The following SLC16A7 variants were observed in gnomAD, a reference collection of about 807,000 sequenced individuals.
SLC16A7 encodes monocarboxylate transporter 2.
A neutral mutation model predicts 34.9 loss-of-function variants in SLC16A7; 33 were observed. The observed-to-expected ratio is 0.94, with a 90% confidence interval of 0.72 to 1.26. The LOEUF (loss-of-function observed/expected upper bound fraction) is 1.26, where lower values mean the gene tolerates loss of function less well. Ranked by LOEUF, SLC16A7 falls within the 50% of genes most tolerant of loss-of-function variation. The pLI is 0.00. For synonymous variants in SLC16A7, 201 were observed against 206.6 expected, an observed-to-expected ratio of 0.97 and a Z score of 0.23; for missense variants, 573 against 578.1, an observed-to-expected ratio of 0.99 and a Z score of 0.09.
chr12:59,600,399 A>T (rs1420578888), intron 1 of SLC16A7, among the ~76,000 whole-genome samples: 1 of 152,100 alleles, frequency 6.6e-6, no homozygotes, highest in Non-Finnish European at 1.5e-5. Flanking sequence ...AACTGTTTGG[A>T]TCAAAGTGAT....
At chr12:59,691,975 G>A (rs534727846) in intron 2 of SLC16A7, among the ~76,000 whole-genome samples, 12 of 152,080 alleles carry the variant, frequency 7.9e-5, no homozygotes, top group South Asian at 2.1e-4. Flanking sequence ...TGGGGCAGTC[G>A]TAGCAAACTA....
chr12:59,659,316 T>C lies in SLC16A7; in HGVS notation c.-31+4066T>C, dbSNP rs114104596. Among the ~76,000 whole-genome samples the C allele has an allele frequency of 3.7e-3, 565 of 152,200 alleles. 7 individuals are homozygous for C. The highest frequency in any genetic ancestry group is 0.017 in the Middle Eastern group (5 of 294). ...AGTACATATTTCTTACATGCATATATTGTGCAGTGGTAAAATCTGGGCTTT... is the reference window on the plus strand; with the variant it reads ...AGTACATATTTCTTACATGCATATACTGTGCAGTGGTAAAATCTGGGCTTT... On this transcript the variant is annotated intron_variant, in intron 2 of 5. Transcript: ENST00000547379.
chr12:59,681,595 A>G (rs1003790496), intron 2 of SLC16A7, among the ~76,000 whole-genome samples: 3 of 152,178 alleles, frequency 2.0e-5, no homozygotes, highest in Non-Finnish European at 4.4e-5. Context: ...GGAGATCCCT[A>G]CAAGTTAGAG....
chr12:59,724,844 G>A (rs910428681), intron 3 of SLC16A7, among the ~76,000 whole-genome samples: 3 of 151,862 alleles, frequency 2.0e-5, no homozygotes, highest in Non-Finnish European at 2.9e-5. Flanking sequence ...CTGCATTTAA[G>A]AGGATGACAT....
At chr12:59,758,849 T>C (rs1428590465) in intron 3 of SLC16A7, among the ~76,000 whole-genome samples, 2 of 152,106 alleles carry the variant, frequency 1.3e-5, no homozygotes, top group Non-Finnish European at 2.9e-5. Flanking sequence ...TTCATTTTCA[T>C]TTGTCAGATA....
At chr12:59,727,924 T>A (rs777880045) in intron 3 of SLC16A7, among the ~76,000 whole-genome samples, 1 of 152,110 alleles carries the variant, frequency 6.6e-6, no homozygotes, top group Non-Finnish European at 1.5e-5. Context: ...AATTTAAAAA[T>A]GTTGAGAAAC....
chr12:59,754,322 G>A (rs1032989410), intron 3 of SLC16A7, among the ~76,000 whole-genome samples: 1 of 152,086 alleles, frequency 6.6e-6, no homozygotes, highest in Admixed American at 6.5e-5. Flanking sequence ...CCAGGAGCCG[G>A]TTTTTTGAAA....
chr12:59,769,697 T>C (rs1396001146), intron 3 of SLC16A7, among the ~76,000 whole-genome samples: 1 of 152,064 alleles, frequency 6.6e-6, no homozygotes, highest in African/African-American at 2.4e-5. Flanking sequence ...AATAATTATA[T>C]TTGTATAAAA....
At chr12:59,688,756 G>A (rs988064174) in intron 2 of SLC16A7, among the ~76,000 whole-genome samples, 2 of 151,978 alleles carry the variant, frequency 1.3e-5, no homozygotes, top group East Asian at 1.9e-4. Context: ...TTAAAACAAC[G>A]TAGGTAAGAT....
chr12:59,754,525 T>A (rs909586281), intron 3 of SLC16A7, among the ~76,000 whole-genome samples: 1 of 152,208 alleles, frequency 6.6e-6, no homozygotes, highest in African/African-American at 2.4e-5. Context: ...GATAAATTCC[T>A]CGACACGTAC....
chr12:59,639,251 T>C (rs1156459347), intron 1 of SLC16A7, among the ~76,000 whole-genome samples: 6 of 152,186 alleles, frequency 3.9e-5, no homozygotes, highest in Non-Finnish European at 8.8e-5. Context: ...CAGATATTAC[T>C]GTTTATAAGC....
chr12:59,701,588 G>T lies in SLC16A7; in HGVS notation c.-30-3184G>T, dbSNP rs11835489. Among the ~76,000 whole-genome samples the T allele has an allele frequency of 3.1e-3, 469 of 151,622 alleles. 1 individual carries two copies. Among genetic ancestry groups the T allele is most frequent in the African/African-American group, 0.011 (455 of 41,454 alleles). ...AATATAAGAGTGATACATTTCTTAA[G>T]GGGGGCATATTTAAATGCTGGGAAA... On this transcript the variant is annotated intron_variant, in intron 2 of 5. Coordinates refer to ENST00000547379, the MANE Select transcript of SLC16A7 (RefSeq NM_001270623.2).
chr12:59,779,362 A>C, intron 5 of SLC16A7, 61 bp from the exon 6 acceptor site: 1 of 1,263,184 alleles, frequency 7.9e-7, no homozygotes, highest in South Asian at 1.6e-5. Context: ...ATTTATTTGA[A>C]TTTTTATCAT....
At chr12:59,616,166 G>A (rs149275568) in intron 1 of SLC16A7, among the ~76,000 whole-genome samples, 12 of 152,282 alleles carry the variant, frequency 7.9e-5, no homozygotes, top group African/African-American at 2.9e-4. Flanking sequence ...TGGAGTAGGT[G>A]TTTTATTGTA....
At chr12:59,690,591 G>T (rs1219206381) in intron 2 of SLC16A7, among the ~76,000 whole-genome samples, 1 of 151,878 alleles carries the variant, frequency 6.6e-6, no homozygotes, top group East Asian at 1.9e-4. Context: ...CAATGATAAG[G>T]TTTGTTACAC....
intron 1 of SLC16A7, among the ~76,000 whole-genome samples, chr12:59,635,356 C>T (rs1010410739): frequency 2.0e-5 from 3 of 152,052 alleles, no homozygotes; most frequent in African/African-American, 7.2e-5. Context: ...CCTCAATTCT[C>T]TTTCCATTGG....
intron 1 of SLC16A7, among the ~76,000 whole-genome samples, chr12:59,621,856 A>T (rs948114663): frequency 6.4e-4 from 97 of 151,804 alleles, no homozygotes; most frequent in African/African-American, 2.1e-3. Context: ...CAGTGATGGA[A>T]ATCTATCTTT....
chr12:59,774,785 T>G lies in SLC16A7; in HGVS notation c.490T>G (p.Phe164Val). The G allele has an allele frequency of 1.2e-6, 2 of 1,613,986 alleles. No homozygotes were observed. Among genetic ancestry groups the G allele is most frequent in the Non-Finnish European group, 1.7e-6 (2 of 1,179,948 alleles). ...SPVFLSSLAPFNQYLFNTFGW... is the reference protein window; with the variant it reads ...SPVFLSSLAPVNQYLFNTFGW... The stretch of plus-strand genomic sequence containing the variant: ...TGTTTTCTTAAGTTCATTGGCTCCT[T>G]TCAATCAGTACCTTTTTAATACTTT... Residue 164 changes from phenylalanine to valine, a missense_variant, in exon 5 of 6, where the codon TTC (phenylalanine) becomes GTC (valine). Transcript: ENST00000547379.
intron 1 of SLC16A7, among the ~76,000 whole-genome samples, chr12:59,652,843 T>C (rs866262068): frequency 6.6e-6 from 1 of 151,854 alleles, no homozygotes; most frequent in Non-Finnish European, 1.5e-5. Flanking sequence ...TAAAAGTCTT[T>C]GTAGAACTTA....
Sources: allele counts gnomAD v4.1 joint callset (sites outside exome capture counted in the v4.1 genomes callset), GRCh38; gene constraint gnomAD v4.1.1; transcripts MANE v1.5; gene names NCBI Gene and HGNC (gene_info 2026-07-23, HGNC 2026-07-21).